Variants in WDR20 observed in about 807,000 individuals in gnomAD.
The protein encoded by WDR20 is WD repeat domain 20.
WDR20 carries 3 observed loss-of-function variants against 38.7 expected under a neutral mutation model. That is an observed-to-expected ratio of 0.08 (90% CI 0.04 to 0.20). WDR20 has a LOEUF of 0.20. WDR20 is among the 10% of genes least tolerant of loss of function. The pLI is 1.00. For missense variants in WDR20, 559 were observed against 727.7 expected, an observed-to-expected ratio of 0.77 and a Z score of 2.67; for synonymous variants, 298 against 285.6, an observed-to-expected ratio of 1.04 and a Z score of -0.44.
intron 1 of WDR20, among the ~76,000 whole-genome samples, chr14:102,174,043 CAAA>C (rs776153847): frequency 4.6e-5 from 4 of 87,750 alleles, no homozygotes; most frequent in Admixed American, 2.6e-4. Flanking sequence ...GACTCCATCT[CAAA>C]AAAAAAAAAA....
rs2061913590 is a variant in WDR20 at position 102,208,247 on chromosome 14, C to G, written c.433-356C>G. Among the ~76,000 whole-genome samples the G allele has an allele frequency of 6.6e-6, 1 of 152,198 alleles. No homozygotes were observed. Among genetic ancestry groups the G allele is most frequent in the Non-Finnish European group, 1.5e-5 (1 of 68,034 alleles). On this transcript the variant is annotated intron_variant, in intron 2 of 2. Transcript: ENST00000342702. This position sits in a 1 kb window ranked among gnomAD's most constrained non-coding sequence, Gnocchi z 5.6. ...TACCACATGCAGATGCAGTGACCCC[C>G]AGATTCAGATGCACCTACTGTCAAG... is the stretch of plus-strand genomic sequence containing the variant.
At chr14:102,196,742 G>A (rs529399860) in intron 2 of WDR20, among the ~76,000 whole-genome samples, 28 of 152,212 alleles carry the variant, frequency 1.8e-4, no homozygotes, top group Non-Finnish European at 4.0e-4. Context: ...AACTATCCCT[G>A]CCCTGGTGAC....
At chr14:102,198,098 T>G (rs2059709475) in intron 2 of WDR20, 1 of 2,636 alleles carries the variant, frequency 3.8e-4, no homozygotes, top group Non-Finnish European at 9.7e-4. Context: ...AGAGGTCTAC[T>G]TTATTTATTT....
chr14:102,148,315 A>G (rs2054398949), intron 1 of WDR20, among the ~76,000 whole-genome samples: 2 of 152,112 alleles, frequency 1.3e-5, no homozygotes, highest in Admixed American at 1.3e-4. Context: ...AGACCGAGGC[A>G]GGAGGATTGG....
chr14:102,219,698 C>T (rs981318767), downstream of WDR20, among the ~76,000 whole-genome samples: 2 of 152,246 alleles, frequency 1.3e-5, no homozygotes, highest in African/African-American at 4.8e-5. Context: ...CTGAGTGCTG[C>T]AGCATGGGGA....
intron 1 of WDR20, among the ~76,000 whole-genome samples, chr14:102,184,509 C>T (rs894883231): frequency 1.3e-5 from 2 of 152,084 alleles, no homozygotes. Context: ...AGGGAAGATG[C>T]TGCCACAGAA....
At chr14:102,211,221 G>GATTTTCTGTT (rs2062482717), downstream of WDR20, among the ~76,000 whole-genome samples, 1 of 151,742 alleles carries the variant, frequency 6.6e-6, no homozygotes, top group Admixed American at 6.6e-5. This position sits in a 1 kb window ranked among gnomAD's most constrained non-coding sequence, Gnocchi z 4.2. Flanking sequence ...GGGCATTTAG[G>GATTTTCTGTT]TTGTACACCT....
intron 1 of WDR20, among the ~76,000 whole-genome samples, chr14:102,163,627 CAAAA>C (rs58628061): frequency 5.9e-4 from 37 of 62,818 alleles, no homozygotes; most frequent in Non-Finnish European, 8.5e-4. Context: ...GACTCTGTCT[CAAAA>C]AAAAAAAAAA....
chr14:102,215,275 T>G (rs370667487), downstream of WDR20, among the ~76,000 whole-genome samples: 4 of 152,212 alleles, frequency 2.6e-5, no homozygotes, highest in East Asian at 5.8e-4. Flanking sequence ...GATTGGCGTT[T>G]CGGCTGAGCT....
chr14:102,202,474 G>A (rs1444430129), intron 2 of WDR20, among the ~76,000 whole-genome samples: 11 of 136,804 alleles, frequency 8.0e-5, no homozygotes, highest in Admixed American at 6.4e-4. Context: ...TCTGCCTCCC[G>A]AGTTCACACC....
At chr14:102,141,724 A>T (rs2051274715) in intron 1 of WDR20, among the ~76,000 whole-genome samples, 1 of 152,200 alleles carries the variant, frequency 6.6e-6, no homozygotes, top group African/African-American at 2.4e-5. Context: ...TGTAAAATAT[A>T]GTTAAATACT....
At chr14:102,168,890 C>G (rs1340135680) in intron 1 of WDR20, among the ~76,000 whole-genome samples, 1 of 152,208 alleles carries the variant, frequency 6.6e-6, no homozygotes, top group Non-Finnish European at 1.5e-5. Flanking sequence ...GGCTGCCCAC[C>G]TCTATCCTTG....
downstream of WDR20, chr14:102,213,159 G>A: frequency 1.0e-6 from 1 of 985,824 alleles, no homozygotes; most frequent in Non-Finnish European, 1.2e-6. Flanking sequence ...TTTGTGCTGT[G>A]ACTGCGATGG....
chr14:102,149,752 GGCTCGATCTCAGCACACTGC>G (rs1467763298), intron 1 of WDR20, among the ~76,000 whole-genome samples: 1 of 152,174 alleles, frequency 6.6e-6, no homozygotes, highest in Non-Finnish European at 1.5e-5. Context: ...GGAGTGCAGT[GGCTCGATCTCAGCACACTGC>G]AACCTCTGCC....
chr14:102,204,501 T>C (rs551392948), intron 2 of WDR20, among the ~76,000 whole-genome samples: 3 of 152,352 alleles, frequency 2.0e-5, no homozygotes, highest in African/African-American at 7.2e-5. Flanking sequence ...CTAAATTTCA[T>C]GAGGGAAAGA....
Position 102,209,002 on chromosome 14 carries a change from G to C in WDR20, c.832G>C (p.Val278Leu). ...VCWSPDGKYIVTGGEDDLVTV... is the reference protein window; with the variant it reads ...VCWSPDGKYILTGGEDDLVTV... ...CTGGAGCCCGGATGGCAAGTACATC[G>C]TGACAGGTGGGGAGGACGACTTGGT... The change falls in exon 3 of 3, where the codon GTG (valine) becomes CTG (leucine). Residue 278 changes from valine to leucine, a missense_variant. Val to Leu is a conservative substitution (Grantham distance 32). Transcript: ENST00000342702. This position sits in a 1 kb window ranked among gnomAD's most constrained non-coding sequence, Gnocchi z 6.0. The C allele has an allele frequency of 6.2e-7, 1 of 1,614,194 alleles. No homozygotes were observed. Among genetic ancestry groups the C allele is most frequent in the East Asian group, 2.2e-5 (1 of 44,884 alleles).
chr14:102,212,584 A>G (rs2153033319), downstream of WDR20: 1 of 1,535,874 alleles, frequency 6.5e-7, no homozygotes, highest in East Asian at 2.4e-5. Flanking sequence ...CAGAACTAAA[A>G]GTGCCCAACA....
intron 1 of WDR20, among the ~76,000 whole-genome samples, chr14:102,160,287 A>G (rs193300469): frequency 1.3e-5 from 2 of 152,258 alleles, no homozygotes; most frequent in Admixed American, 1.3e-4. Flanking sequence ...GAACATTTAC[A>G]TGGTTGCAGC....
intron 1 of WDR20, among the ~76,000 whole-genome samples, chr14:102,161,121 CATATATATATAT>C (rs1180738049): frequency 2.7e-4 from 3 of 11,130 alleles, no homozygotes; most frequent in East Asian, 8.1e-3. Context: ...AGCATAACTG[CATATATATATAT>C]ATATATATAT....
Sources: allele counts gnomAD v4.1 joint callset (sites outside exome capture counted in the v4.1 genomes callset), GRCh38; gene constraint gnomAD v4.1.1; non-coding constraint Gnocchi (gnomAD v3.1); transcripts MANE v1.5; gene names NCBI Gene and HGNC (gene_info 2026-07-23, HGNC 2026-07-21).